DLGAP2: variants seen among roughly 807,000 people sequenced by gnomAD.
The protein encoded by DLGAP2 is disks large-associated protein 2.
Under a neutral mutation model 100.3 loss-of-function variants are expected in DLGAP2, and 26 were observed. The ratio of observed to expected loss-of-function variants is 0.26; its 90% CI spans 0.19 to 0.36. The LOEUF (loss-of-function observed/expected upper bound fraction) is 0.36. Among genes scored for constraint, DLGAP2 ranks in the 10% least tolerant of loss-of-function variants. DLGAP2 has a pLI of 1.00. For synonymous variants in DLGAP2, 886 were observed against 630.1 expected, an observed-to-expected ratio of 1.41 and a Z score of -6.08; for missense variants, 1,858 against 1,453.2, an observed-to-expected ratio of 1.28 and a Z score of -4.53.
intron 1 of DLGAP2, among the ~76,000 whole-genome samples, chr8:907,182 G>A (rs1798398144): frequency 6.6e-6 from 1 of 152,176 alleles, no homozygotes; most frequent in African/African-American, 2.4e-5. Context: ...CTGTCTTCAT[G>A]GAGGGTTGAG....
chr8:1,632,970 C>A lies in DLGAP2; in HGVS notation c.1734C>A (p.Ala578=), dbSNP rs372933252. The change falls in exon 8 of 15, where the codon GCC becomes GCA. Residue 578 remains alanine, a synonymous_variant. Coordinates refer to ENST00000637795, the MANE Select transcript of DLGAP2 (RefSeq NM_001346810.2). ...ACAGCTACCTTCGAGCCATTCAAGCCGGCTACTCCCAAGATGACGAATGTA... is the reference window on the plus strand; with the variant it reads ...ACAGCTACCTTCGAGCCATTCAAGCAGGCTACTCCCAAGATGACGAATGTA... ...RSHSYLRAIQ[A]GYSQDDECIP... is the part of the protein sequence containing the mutation. The A allele has an allele frequency of 2.5e-6, 4 of 1,614,000 alleles. No homozygotes were observed. Among genetic ancestry groups the A allele is most frequent in the Admixed American group, 1.7e-5 (1 of 60,020 alleles).
chr8:755,345 G>C (rs953700363), intron 1 of DLGAP2, among the ~76,000 whole-genome samples: 9 of 152,112 alleles, frequency 5.9e-5, no homozygotes, highest in African/African-American at 2.2e-4. Context: ...CTTGCCTGAG[G>C]TCTCAGCTAC....
At chr8:1,417,725 A>AGGGGGGCACGGGGGGCCCCACTCCT (rs1452006281) in intron 3 of DLGAP2, among the ~76,000 whole-genome samples, 1 of 144,248 alleles carries the variant, frequency 6.9e-6, no homozygotes, top group African/African-American at 2.8e-5. Context: ...GCGAGGCTCC[A>AGGGGGGCACGGGGGGCCCCACTCCT]GACACAGAAG....
chr8:994,570 ACTTGT>A (rs948396235), intron 2 of DLGAP2, among the ~76,000 whole-genome samples: 8 of 152,154 alleles, frequency 5.3e-5, no homozygotes, highest in Non-Finnish European at 1.2e-4. Context: ...AGTGCTCTTA[ACTTGT>A]CTAATTCTGC....
At chr8:1,472,362 C>G (rs572415211) in intron 3 of DLGAP2, among the ~76,000 whole-genome samples, 6 of 152,216 alleles carry the variant, frequency 3.9e-5, no homozygotes, top group Non-Finnish European at 7.3e-5. Context: ...TGGTAAATCC[C>G]AAAGCGGGTG....
intron 4 of DLGAP2, among the ~76,000 whole-genome samples, chr8:1,523,432 C>T (rs552040567): frequency 1.5e-3 from 229 of 152,352 alleles, no homozygotes; most frequent in Non-Finnish European, 2.9e-3. Flanking sequence ...GCAGCCCCAG[C>T]CATGCCCCCA....
intron 3 of DLGAP2, among the ~76,000 whole-genome samples, chr8:1,298,862 A>T (rs1378649024): frequency 6.6e-6 from 1 of 152,092 alleles, no homozygotes; most frequent in Non-Finnish European, 1.5e-5. Flanking sequence ...GTCCCAGCGA[A>T]CTCCCATGGG....
At chr8:1,172,860 T>G (rs1340070537) in intron 2 of DLGAP2, among the ~76,000 whole-genome samples, 1 of 152,236 alleles carries the variant, frequency 6.6e-6, no homozygotes, top group Non-Finnish European at 1.5e-5. Flanking sequence ...TTTGATCGTC[T>G]GAACCCTTCT....
intron 1 of DLGAP2, among the ~76,000 whole-genome samples, chr8:804,450 G>A (rs1438791681): frequency 3.3e-5 from 5 of 152,162 alleles, no homozygotes; most frequent in Non-Finnish European, 5.9e-5. Context: ...CTTCTGTTTC[G>A]AGGAGATCTT....
chr8:1,513,855 T>C lies in DLGAP2; in HGVS notation c.172+12424T>C, dbSNP rs191541297. On this transcript the variant is annotated intron_variant, in intron 4 of 14. Coordinates refer to ENST00000637795, the MANE Select transcript of DLGAP2 (RefSeq NM_001346810.2). ...CACGAAACATCCTTCTTCCAGACAA[T>C]GGCGGTCGAACCTCAGACCCATCCT... Among the ~76,000 whole-genome samples, 6 of 88,492 alleles carry C rather than the reference T, an allele frequency of 6.8e-5. No homozygotes were observed. In the South Asian group the frequency reaches 3.1e-3, roughly 46 times the overall value. 58.1% of individuals were successfully genotyped at this position (88,492 alleles called of 152,430 possible). A position where few individuals can be genotyped will look rare whatever the true frequency, so the allele number is the denominator to read the frequency against.
At chr8:860,949 G>A (rs1797377123) in intron 1 of DLGAP2, among the ~76,000 whole-genome samples, 1 of 152,170 alleles carries the variant, frequency 6.6e-6, no homozygotes, top group African/African-American at 2.4e-5. Flanking sequence ...TGACCTGAAG[G>A]TGAGAGCCGT....
Position 1,631,174 on chromosome 8 carries a change from A to T in DLGAP2, c.1591-1653A>T, listed in dbSNP as rs193035160. On this transcript the variant is annotated intron_variant, in intron 7 of 14. Transcript: ENST00000637795. ...GAGGAGGAGTCACCTTCATGTCTAGAACCTCACTGAAAGGCTTGTAGCTGG... is the reference window on the plus strand; with the variant it reads ...GAGGAGGAGTCACCTTCATGTCTAGTACCTCACTGAAAGGCTTGTAGCTGG... 3.2e-3 allele frequency among the ~76,000 whole-genome samples: 487 copies of T among 152,058 alleles called. 8 individuals carry two copies. Among genetic ancestry groups the T allele is most frequent in the Non-Finnish European group, 3.3e-3 (227 of 67,970 alleles).
intron 2 of DLGAP2, among the ~76,000 whole-genome samples, chr8:1,220,187 T>C (rs1798289649): frequency 6.6e-6 from 1 of 152,196 alleles, no homozygotes; most frequent in Non-Finnish European, 1.5e-5. Context: ...CTAGTTTCTT[T>C]AGGTGTGGTG....
intron 1 of DLGAP2, among the ~76,000 whole-genome samples, chr8:749,018 T>C (rs1365194661): frequency 2.0e-5 from 3 of 152,206 alleles, no homozygotes; most frequent in African/African-American, 7.2e-5. Flanking sequence ...TTTCTGTATG[T>C]GAGAGGGGGC....
intron 2 of DLGAP2, among the ~76,000 whole-genome samples, chr8:985,743 TTCAAGGTAACGCTTA>T (rs1433305948): frequency 1.3e-5 from 2 of 152,222 alleles, no homozygotes; most frequent in Non-Finnish European, 2.9e-5. Context: ...GAAAGATTAT[TTCAAGGTAACGCTTA>T]TCTTTGGCCT....
At chr8:1,214,397 G>T (rs17065831) in intron 2 of DLGAP2, among the ~76,000 whole-genome samples, 2 of 152,132 alleles carry the variant, frequency 1.3e-5, no homozygotes, top group African/African-American at 4.8e-5. Context: ...ATGACAGAAG[G>T]GCATCTCGTA....
In DLGAP2 at chr8:853,482, G is replaced by A. The variant is rs1342741929; in HGVS notation, c.19-54430G>A. Among the ~76,000 whole-genome samples the A allele has an allele frequency of 2.6e-5, 4 of 152,336 alleles. 1 individual carries two copies. The highest frequency in any genetic ancestry group is 4.1e-4 in the South Asian group (2 of 4,832). ...CATCTGCACAGATGGCTTAGGTACA[G>A]GATGCCCCTCATCAGTTAGGGAATG... On this transcript the variant is annotated intron_variant, in intron 1 of 14. Transcript: ENST00000637795.
At chr8:930,742 C>G (rs1798938175) in intron 2 of DLGAP2, among the ~76,000 whole-genome samples, 2 of 152,244 alleles carry the variant, frequency 1.3e-5, no homozygotes, top group African/African-American at 4.8e-5. Context: ...CTCCCGCTGT[C>G]TTCCAGAGCT....
rs111602872 is a variant in DLGAP2, at chr8:978,436, T to G, written c.73+70470T>G. ...GGAGGGCGTCGGGGATGCAGTGAGG[T>G]GCTGCGTTCTGGTCTTTGGTGACGT... On this transcript the variant is annotated intron_variant, in intron 2 of 14. Coordinates refer to ENST00000637795, the MANE Select transcript of DLGAP2 (RefSeq NM_001346810.2). 6.4e-4 allele frequency among the ~76,000 whole-genome samples: 30 copies of G among 46,520 alleles called. 1 individual carries two copies. Among genetic ancestry groups the G allele is most frequent in the East Asian group, 4.3e-3 (3 of 698 alleles). 30.5% of individuals were successfully genotyped at this position (46,520 alleles called of 152,430 possible). A position where few individuals can be genotyped will look rare whatever the true frequency, so the allele number is the denominator to read the frequency against.
Sources: allele counts gnomAD v4.1 joint callset (sites outside exome capture counted in the v4.1 genomes callset), GRCh38; gene constraint gnomAD v4.1.1; transcripts MANE v1.5; gene names NCBI Gene and HGNC (gene_info 2026-07-23, HGNC 2026-07-21).